Variants in LRMDA observed in about 807,000 individuals in gnomAD.
LRMDA encodes leucine rich melanocyte differentiation associated, also known as leucine-rich melanocyte differentiation-associated protein.
A neutral mutation model predicts 29.8 loss-of-function variants in LRMDA; 18 were observed. That is an observed-to-expected ratio of 0.60 (90% CI 0.42 to 0.90). The LOEUF is 0.90. Among genes scored for constraint, LRMDA ranks in the 40% least tolerant of loss-of-function variants. LRMDA has a pLI of 0.00. For missense variants in LRMDA, 273 were observed against 273.9 expected (o/e 1.00, Z 0.02); for synonymous variants, 125 against 109.4 (o/e 1.14, Z -0.89).
chr10:75,982,850 C>G (rs994403961), intron 2 of LRMDA, among the ~76,000 whole-genome samples: 1 of 152,194 alleles, frequency 6.6e-6, no homozygotes, highest in Non-Finnish European at 1.5e-5. Flanking sequence ...TGAGCACCCA[C>G]TATGTGGCAG....
At position 76,008,118 on chromosome 10, in the gene LRMDA, C is replaced by T. The variant is rs547163332; in HGVS notation, c.132-27890C>T. On this transcript the variant is annotated intron_variant, in intron 2 of 6. Transcript: ENST00000611255. Reference sequence around the variant, plus strand: ...TTGAAGAAGCAGGGAGGGCGGGGGCCGGGGAGAAGCCTCTGGAAAACTCCC... The same window carrying T: ...TTGAAGAAGCAGGGAGGGCGGGGGCTGGGGAGAAGCCTCTGGAAAACTCCC... Among the ~76,000 whole-genome samples the T allele has an allele frequency of 2.1e-3, 310 of 149,502 alleles. 3 individuals carry two copies. Among genetic ancestry groups the T allele is most frequent in the African/African-American group, 7.4e-3 (303 of 40,832 alleles).
At chr10:75,840,317 G>A (rs1045965473) in intron 2 of LRMDA, among the ~76,000 whole-genome samples, 1 of 152,212 alleles carries the variant, frequency 6.6e-6, no homozygotes, top group Non-Finnish European at 1.5e-5. Flanking sequence ...TTTGTGAAAT[G>A]AAGATGGTAA....
intron 5 of LRMDA, among the ~76,000 whole-genome samples, chr10:76,174,696 C>T (rs1411597389): frequency 1.3e-5 from 2 of 152,118 alleles, no homozygotes; most frequent in Non-Finnish European, 2.9e-5. Context: ...TAGGACCCAG[C>T]GACCCTCAGA....
intron 2 of LRMDA, among the ~76,000 whole-genome samples, chr10:75,838,508 G>C (rs1256277421): frequency 6.6e-6 from 1 of 151,968 alleles, no homozygotes; most frequent in Non-Finnish European, 1.5e-5. Flanking sequence ...GATTCTAGCT[G>C]GCATGCCAGC....
intron 6 of LRMDA, among the ~76,000 whole-genome samples, chr10:76,347,817 A>G (rs1400041333): frequency 6.6e-6 from 1 of 152,206 alleles, no homozygotes; most frequent in Admixed American, 6.5e-5. Flanking sequence ...AAAATCTCTA[A>G]TAAATACTAA....
chr10:75,607,795 G>T (rs1274314566), intron 2 of LRMDA, among the ~76,000 whole-genome samples: 1 of 146,884 alleles, frequency 6.8e-6, no homozygotes, highest in Non-Finnish European at 1.5e-5. Context: ...TGATTCCTAG[G>T]CCCCACTCCT....
At chr10:76,450,610 T>G (rs185469616) in intron 6 of LRMDA, among the ~76,000 whole-genome samples, 7 of 152,298 alleles carry the variant, frequency 4.6e-5, no homozygotes, top group Admixed American at 1.3e-4. Flanking sequence ...TCTGTCATCT[T>G]CTCTTCTATA....
At chr10:76,088,785 A>C (rs190273327) in intron 5 of LRMDA, among the ~76,000 whole-genome samples, 2 of 152,346 alleles carry the variant, frequency 1.3e-5, no homozygotes, top group East Asian at 3.9e-4. Flanking sequence ...TTATTTCTTC[A>C]TTCAAGCTTC....
chr10:75,606,726 A>G (rs529144583), intron 2 of LRMDA, among the ~76,000 whole-genome samples: 1 of 152,338 alleles, frequency 6.6e-6, no homozygotes, highest in East Asian at 1.9e-4. Context: ...TATATTGGGA[A>G]AATTCACTGT....
At chr10:76,028,371 CT>C (rs1848095566) in intron 2 of LRMDA, among the ~76,000 whole-genome samples, 1 of 152,098 alleles carries the variant, frequency 6.6e-6, no homozygotes, top group Non-Finnish European at 1.5e-5. Flanking sequence ...AAATCTTAGA[CT>C]GTTAGAAGGG....
chr10:76,375,637 A>G (rs1841507124), intron 6 of LRMDA, among the ~76,000 whole-genome samples: 1 of 152,144 alleles, frequency 6.6e-6, no homozygotes, highest in Non-Finnish European at 1.5e-5. Context: ...AAGTGGATGA[A>G]CATTTTTGGA....
intron 5 of LRMDA, among the ~76,000 whole-genome samples, chr10:76,300,699 CA>C (rs1210270986): frequency 6.6e-6 from 1 of 152,300 alleles, no homozygotes; most frequent in African/African-American, 2.4e-5. Flanking sequence ...TGACTTATCT[CA>C]TTTCCTCCTA....
At chr10:75,973,325 G>A (rs1847011643) in intron 2 of LRMDA, among the ~76,000 whole-genome samples, 1 of 152,084 alleles carries the variant, frequency 6.6e-6, no homozygotes, top group Non-Finnish European at 1.5e-5. Flanking sequence ...GCCATGTGCA[G>A]TTCTCATATG....
intron 6 of LRMDA, among the ~76,000 whole-genome samples, chr10:76,427,851 A>G (rs1016415609): frequency 6.6e-6 from 1 of 152,166 alleles, no homozygotes; most frequent in East Asian, 1.9e-4. Flanking sequence ...TTCTGCATCT[A>G]TTGAGATAAT....
intron 2 of LRMDA, among the ~76,000 whole-genome samples, chr10:75,552,714 T>C (rs1259493752): frequency 6.6e-6 from 1 of 152,062 alleles, no homozygotes; most frequent in Non-Finnish European, 1.5e-5. Context: ...AAATATATGT[T>C]ATACTGTTTA....
intron 2 of LRMDA, among the ~76,000 whole-genome samples, chr10:75,793,429 C>T (rs2132254216): frequency 6.6e-6 from 1 of 152,242 alleles, no homozygotes; most frequent in South Asian, 2.1e-4. Context: ...CCCAGTAGGA[C>T]AATATTTCAG....
intron 2 of LRMDA, among the ~76,000 whole-genome samples, chr10:75,991,410 G>A (rs538306694): frequency 1.3e-5 from 2 of 152,248 alleles, no homozygotes; most frequent in Admixed American, 6.5e-5. Context: ...GTCCAACTGA[G>A]CTTCTTTCTG....
intron 6 of LRMDA, among the ~76,000 whole-genome samples, chr10:76,489,288 C>G (rs1350756285): frequency 6.6e-6 from 1 of 151,728 alleles, no homozygotes; most frequent in Non-Finnish European, 1.5e-5. Context: ...TTAGATTTTC[C>G]AATTTATTGG....
chr10:76,372,406 A>T (rs937354141), intron 6 of LRMDA, among the ~76,000 whole-genome samples: 2 of 152,130 alleles, frequency 1.3e-5, no homozygotes, highest in African/African-American at 4.8e-5. Context: ...TGAGATCAGG[A>T]GTTTGAGACC....
Sources: gnomAD v4.1 joint callset for allele counts (sites outside exome capture counted in the v4.1 genomes callset) on GRCh38, gnomAD v4.1.1 for gene constraint, MANE v1.5 for transcripts, NCBI Gene and HGNC (gene_info 2026-07-23, HGNC 2026-07-21) for gene names.